GBE1: variants seen among roughly 807,000 people sequenced by gnomAD.
The protein encoded by GBE1 is 1,4-alpha-glucan-branching enzyme.
Under a neutral mutation model 88.8 loss-of-function variants are expected in GBE1, and 70 were observed. The observed-to-expected ratio is 0.79, with a 90% CI of 0.65 to 0.96. The LOEUF is 0.96. Among genes scored for constraint, GBE1 ranks in the 40% least tolerant of loss-of-function variants. The pLI, the probability that GBE1 is intolerant of heterozygous loss-of-function variation, is 0.00. For missense variants in GBE1, 872 were observed against 871.0 expected (o/e 1.00, Z -0.01); for synonymous variants, 284 against 300.1 (o/e 0.95, Z 0.56).
intron 1 of GBE1, among the ~76,000 whole-genome samples, chr3:81,727,135 T>A (rs1706124918): frequency 6.6e-6 from 1 of 152,200 alleles, no homozygotes; most frequent in Non-Finnish European, 1.5e-5. Context: ...ATACTTGATA[T>A]TCCTTCATAA....
intron 3 of GBE1, among the ~76,000 whole-genome samples, chr3:81,666,337 C>T (rs555033248): frequency 6.6e-6 from 1 of 152,244 alleles, no homozygotes; most frequent in Admixed American, 6.5e-5. Flanking sequence ...ACTTTTCTTT[C>T]CATATTTTTT....
chr3:81,532,289 T>G (rs1403158805), intron 14 of GBE1, among the ~76,000 whole-genome samples: 1 of 151,970 alleles, frequency 6.6e-6, no homozygotes, highest in Non-Finnish European at 1.5e-5. Flanking sequence ...GAGAGTTCTA[T>G]TCAACCATCT....
intron 12 of GBE1, among the ~76,000 whole-genome samples, chr3:81,561,561 A>G (rs1202336498): frequency 2.0e-5 from 3 of 152,064 alleles, no homozygotes; most frequent in East Asian, 1.9e-4. Flanking sequence ...ACTGACTGAC[A>G]TGACAAGTGT....
chr3:81,592,154 C>T (rs759302100), intron 8 of GBE1, among the ~76,000 whole-genome samples: 13 of 151,802 alleles, frequency 8.6e-5, no homozygotes, highest in African/African-American at 1.7e-4. Flanking sequence ...TGTGTGCGCG[C>T]GTGTGTGTGT....
chr3:81,686,663 G>T (rs1472670597), intron 2 of GBE1, among the ~76,000 whole-genome samples: 1 of 152,108 alleles, frequency 6.6e-6, no homozygotes, highest in Non-Finnish European at 1.5e-5. Flanking sequence ...GCTGAGGCAG[G>T]AGAATCGCTT....
chr3:81,750,660 T>TAC (rs1559708917), intron 1 of GBE1, among the ~76,000 whole-genome samples: 3 of 40,480 alleles, frequency 7.4e-5, no homozygotes, highest in African/African-American at 3.9e-4. Context: ...TATATATATG[T>TAC]ATATATATAT....
intron 7 of GBE1, among the ~76,000 whole-genome samples, chr3:81,602,659 T>C (rs1704049559): frequency 6.6e-6 from 1 of 152,046 alleles, no homozygotes; most frequent in Non-Finnish European, 1.5e-5. Flanking sequence ...TATGATCACC[T>C]TAGAGATCAG....
At chr3:81,644,664 A>G (rs796071649) in intron 6 of GBE1, among the ~76,000 whole-genome samples, 15 of 152,270 alleles carry the variant, frequency 9.9e-5, no homozygotes, top group African/African-American at 3.6e-4. Context: ...TTTTTAAATG[A>G]TTACTCTGGC....
intron 7 of GBE1, among the ~76,000 whole-genome samples, chr3:81,638,164 T>C (rs915860651): frequency 1.3e-5 from 2 of 152,086 alleles, no homozygotes; most frequent in Non-Finnish European, 2.9e-5. Flanking sequence ...AAAAGACCAA[T>C]TGGACTCACT....
chr3:81,584,690 G>T (rs1703776592), intron 10 of GBE1, among the ~76,000 whole-genome samples: 1 of 151,284 alleles, frequency 6.6e-6, no homozygotes, highest in South Asian at 2.1e-4. Flanking sequence ...TGTATAATAA[G>T]TAAGTATGAT....
intron 8 of GBE1, among the ~76,000 whole-genome samples, chr3:81,592,937 G>C (rs1703899509): frequency 6.6e-6 from 1 of 152,102 alleles, no homozygotes; most frequent in Non-Finnish European, 1.5e-5. Context: ...GTAAGATCAA[G>C]CAGTAGCACA....
At chr3:81,571,320 G>T (rs1371448611) in intron 12 of GBE1, among the ~76,000 whole-genome samples, 1 of 152,160 alleles carries the variant, frequency 6.6e-6, no homozygotes, top group Non-Finnish European at 1.5e-5. Context: ...AAACCAATGG[G>T]TTTAGTTGAT....
At chr3:81,693,906 A>G (rs1337651595) in intron 2 of GBE1, among the ~76,000 whole-genome samples, 1 of 152,218 alleles carries the variant, frequency 6.6e-6, no homozygotes, top group Non-Finnish European at 1.5e-5. Context: ...AAGGAAGAGA[A>G]TAAAACTTTG....
At chr3:81,620,105 T>C (rs1704304200) in intron 7 of GBE1, among the ~76,000 whole-genome samples, 1 of 151,824 alleles carries the variant, frequency 6.6e-6, no homozygotes, top group Non-Finnish European at 1.5e-5. Context: ...CTAAATTAAA[T>C]CAATGACATA....
chr3:81,710,080 T>C (rs1202452413), intron 1 of GBE1, among the ~76,000 whole-genome samples: 1 of 152,006 alleles, frequency 6.6e-6, no homozygotes, highest in Admixed American at 6.6e-5. Flanking sequence ...CATAAAGACA[T>C]AAATTGTCCA....
chr3:81,615,373 A>C (rs1415191051), intron 7 of GBE1, among the ~76,000 whole-genome samples: 2 of 152,192 alleles, frequency 1.3e-5, no homozygotes. Context: ...GCCAAGATAC[A>C]GAACAATTGT....
chr3:81,678,154 A>G (rs1287158233), intron 2 of GBE1, among the ~76,000 whole-genome samples: 1 of 152,214 alleles, frequency 6.6e-6, no homozygotes, highest in Admixed American at 6.5e-5. Context: ...GCTGTATGGT[A>G]TAACTTATTG....
intron 14 of GBE1, among the ~76,000 whole-genome samples, chr3:81,508,346 G>A (rs1469918421): frequency 6.6e-6 from 1 of 152,034 alleles, no homozygotes; most frequent in Admixed American, 6.6e-5. Context: ...TCACACTTCT[G>A]CACTAACCTC....
intron 12 of GBE1, among the ~76,000 whole-genome samples, chr3:81,558,230 C>T (rs1703373715): frequency 6.6e-6 from 1 of 151,610 alleles, no homozygotes; most frequent in African/African-American, 2.4e-5. Context: ...ATTATAATTA[C>T]CAAAATAATT....
Sources: gnomAD v4.1 joint callset for allele counts (sites outside exome capture counted in the v4.1 genomes callset) on GRCh38, gnomAD v4.1.1 for gene constraint, MANE v1.5 for transcripts, NCBI Gene and HGNC (gene_info 2026-07-23, HGNC 2026-07-21) for gene names.